The following CYP2J2 variants were observed in gnomAD, a reference collection of about 807,000 sequenced individuals.
CYP2J2 encodes cytochrome P450 2J2.
Under a neutral mutation model 48.8 loss-of-function variants are expected in CYP2J2, and 41 were observed. The observed-to-expected ratio is 0.84, with a 90% confidence interval of 0.66 to 1.09. The LOEUF is 1.09. CYP2J2 is among the 50% of genes least tolerant of loss of function. The pLI is 0.00. For synonymous variants in CYP2J2, 221 were observed against 227.1 expected, an observed-to-expected ratio of 0.97 and a Z score of 0.24; for missense variants, 644 against 617.3, an observed-to-expected ratio of 1.04 and a Z score of -0.46.
the CYP2J2 span, among the ~76,000 whole-genome samples, chr1:59,942,195 T>C: frequency 6.6e-6 from 1 of 151,632 alleles, no homozygotes; most frequent in African/African-American, 2.4e-5. Flanking sequence ...TCCAGAAAAA[T>C]AAAATAAAGC....
the CYP2J2 span, among the ~76,000 whole-genome samples, chr1:59,965,461 G>A: frequency 6.6e-6 from 1 of 152,242 alleles, no homozygotes; most frequent in African/African-American, 2.4e-5. Context: ...GAAACACAGA[G>A]CATAAGAGAT....
chr1:59,893,910 C>G (rs1413960672), intron 8 of CYP2J2, 81 bp from the exon 9 acceptor site: 1 of 1,391,910 alleles, frequency 7.2e-7, no homozygotes, highest in Non-Finnish European at 9.7e-7. Context: ...CAATCATATC[C>G]CCAAAAAAAT....
the CYP2J2 span, among the ~76,000 whole-genome samples, chr1:59,944,134 T>C: frequency 1.7e-4 from 26 of 152,352 alleles, no homozygotes; most frequent in East Asian, 4.8e-3. Context: ...AAAAAATGAC[T>C]ACCTATAATG....
chr1:59,931,428 T>C (rs1193980288), upstream of CYP2J2, among the ~76,000 whole-genome samples: 1 of 152,050 alleles, frequency 6.6e-6, no homozygotes, highest in African/African-American at 2.4e-5. Flanking sequence ...ATTGAGTTGA[T>C]ATTTAAAAAA....
chr1:59,920,916 C>T lies in CYP2J2; in HGVS notation c.211-4816G>A, dbSNP rs1027658841. On this transcript the variant is annotated intron_variant, in intron 1 of 8. Transcript: ENST00000371204. ...AATTAATAATAAAATTATTATGGCTCAGACCATTTTCCCCTATTAAAAATC... is the reference window on the plus strand; with the variant it reads ...AATTAATAATAAAATTATTATGGCTTAGACCATTTTCCCCTATTAAAAATC... Among the ~76,000 whole-genome samples the T allele has an allele frequency of 2.0e-5, 3 of 152,228 alleles. No individual in the cohort carries two copies. In the South Asian group the frequency reaches 6.2e-4, roughly 32 times the overall value.
At chr1:59,944,411 C>T in the CYP2J2 span, among the ~76,000 whole-genome samples, 237 of 152,164 alleles carry the variant, frequency 1.6e-3, no homozygotes, top group Non-Finnish European at 2.7e-3. Context: ...TTAGTAGAGC[C>T]GGGGTTTCAC....
the CYP2J2 span, among the ~76,000 whole-genome samples, chr1:59,948,092 TGAAAGTTGGTGCCCACTA>T: frequency 5.2e-4 from 79 of 152,314 alleles, 2 homozygotes; most frequent in South Asian, 6.6e-3. Flanking sequence ...ATTTTTCTAG[TGAAAGTTGGTGCCCACTA>T]GAAAGTTGGT....
intron 1 of CYP2J2, 71 bp downstream of exon 1, chr1:59,926,466 G>T: frequency 7.5e-7 from 1 of 1,340,010 alleles, no homozygotes; most frequent in Non-Finnish European, 1.1e-6. Flanking sequence ...CACCCACGTT[G>T]CCGGAACGTC....
the CYP2J2 span, among the ~76,000 whole-genome samples, chr1:59,951,769 C>T: frequency 6.6e-6 from 1 of 152,166 alleles, no homozygotes; most frequent in African/African-American, 2.4e-5. Context: ...TCTTCTCTCC[C>T]GACCTTGCTC....
chr1:59,941,282 T>C, the CYP2J2 span, among the ~76,000 whole-genome samples: 5 of 152,202 alleles, frequency 3.3e-5, no homozygotes, highest in African/African-American at 1.2e-4. Flanking sequence ...CATACAGTTA[T>C]AGTGGAGCTG....
the CYP2J2 span, among the ~76,000 whole-genome samples, chr1:59,942,025 T>G: frequency 6.6e-6 from 1 of 152,180 alleles, no homozygotes; most frequent in Non-Finnish European, 1.5e-5. Context: ...CAACGTTCAG[T>G]GTTGCAAGCG....
the CYP2J2 span, among the ~76,000 whole-genome samples, chr1:59,933,589 G>A: frequency 6.6e-6 from 1 of 151,998 alleles, no homozygotes; most frequent in Non-Finnish European, 1.5e-5. Context: ...GGTGGTGTGT[G>A]GAATCTTTAG....
At position 59,912,506 on chromosome 1, in the gene CYP2J2, A is replaced by C. The variant is rs1034362560; in HGVS notation, c.374-195T>G. On this transcript the variant is annotated intron_variant, in intron 2 of 8. Transcript: ENST00000371204. ...GATTGCTTGCAATGGCAGGCACTTT[A>C]ATATGCATTTTGTTGTGCATTATAT... 5.3e-6 allele frequency: 3 copies of C among 570,870 alleles called. No individual in the cohort carries two copies. The African/African-American group carries it at 5.6e-5, about 11-fold the overall frequency. The allele number at this position is 570,870 out of a possible 1,614,324, so 35.4% of individuals were successfully genotyped here. A position where few individuals can be genotyped will look rare whatever the true frequency, so the allele number is the denominator to read the frequency against.
At chr1:59,943,040 G>A in the CYP2J2 span, among the ~76,000 whole-genome samples, 4 of 152,270 alleles carry the variant, frequency 2.6e-5, no homozygotes, top group East Asian at 5.8e-4. Flanking sequence ...AGAAAAAAAT[G>A]AAAGGAGAAC....
intron 4 of CYP2J2, 51 bp from the exon 5 acceptor site, chr1:59,910,011 T>C (rs1644398522): frequency 1.4e-6 from 2 of 1,417,630 alleles, no homozygotes; most frequent in Non-Finnish European, 1.9e-6. Context: ...GCCATTTTTT[T>C]CTTTTTAAGA....
At chr1:59,969,209 G>A in the CYP2J2 span, among the ~76,000 whole-genome samples, 5 of 152,204 alleles carry the variant, frequency 3.3e-5, no homozygotes, top group Admixed American at 1.3e-4. Flanking sequence ...GATCCGAGCG[G>A]GTTGCCACTG....
intron 8 of CYP2J2, 83 bp from the exon 9 acceptor site, chr1:59,893,912 CA>C (rs1644246854): frequency 6.6e-6 from 9 of 1,367,172 alleles, no homozygotes; most frequent in Non-Finnish European, 8.9e-6. Flanking sequence ...ATCATATCCC[CA>C]AAAAAATGGA....
At chr1:59,962,400 AG>A in the CYP2J2 span, among the ~76,000 whole-genome samples, 1 of 152,202 alleles carries the variant, frequency 6.6e-6, no homozygotes, top group African/African-American at 2.4e-5. Flanking sequence ...AAAAGGAACC[AG>A]AGGAGAAGAG....
the CYP2J2 span, among the ~76,000 whole-genome samples, chr1:59,932,918 CT>C: frequency 2.6e-5 from 4 of 152,122 alleles, no homozygotes; most frequent in African/African-American, 9.7e-5. Flanking sequence ...CCCAGCTGGT[CT>C]CGAAGTCCTG....
Sources: allele counts gnomAD v4.1 joint callset (sites outside exome capture counted in the v4.1 genomes callset), GRCh38; gene constraint gnomAD v4.1.1; transcripts MANE v1.5; gene names NCBI Gene and HGNC (gene_info 2026-07-23, HGNC 2026-07-21).